The following SHANK2 variants were observed in gnomAD, a reference collection of about 807,000 sequenced individuals.
SHANK2 encodes SH3 and multiple ankyrin repeat domains 2.
A neutral mutation model predicts 133.7 loss-of-function variants in SHANK2; 43 were observed. That is an observed-to-expected ratio of 0.32 (90% CI 0.25 to 0.41). SHANK2 has a LOEUF of 0.41. Ranked by LOEUF, SHANK2 falls within the 10% of genes least tolerant of loss-of-function variation. The pLI is 1.00. For synonymous variants in SHANK2, 1,017 were observed against 952.8 expected (o/e 1.07, Z -1.24); for missense variants, 1,994 against 2,235.8 (o/e 0.89, Z 2.18).
chr11:70,588,867 G>C (rs2060286619), intron 17 of SHANK2, among the ~76,000 whole-genome samples: 1 of 152,216 alleles, frequency 6.6e-6, no homozygotes, highest in African/African-American at 2.4e-5. Flanking sequence ...GCCCAGGCTG[G>C]AGTGCAGTGG....
intron 12 of SHANK2, among the ~76,000 whole-genome samples, chr11:70,813,284 G>A (rs1948316452): frequency 6.6e-6 from 1 of 152,152 alleles, no homozygotes; most frequent in African/African-American, 2.4e-5. Context: ...GCTGGGTAGT[G>A]CAGAGAGAAG....
At chr11:70,706,172 C>A (rs1185115883) in intron 14 of SHANK2, 3 of 152,762 alleles carry the variant, frequency 2.0e-5, no homozygotes, top group Non-Finnish European at 4.4e-5. Context: ...GTCTCTTGAA[C>A]AAGTCGAGCT....
chr11:71,218,442 T>A (rs993338499), intron 2 of SHANK2, among the ~76,000 whole-genome samples: 11 of 152,030 alleles, frequency 7.2e-5, no homozygotes, highest in Non-Finnish European at 1.5e-5. Context: ...TTTGTATGTT[T>A]CGTAGAGACG....
chr11:70,486,578 G>A lies in SHANK2; in HGVS notation c.3715C>T (p.Pro1239Ser). ...AGAGGTTTGTTGAGGTCGGCCTTGG[G>A]GGCCTCCCCTTTGGGTCCCTGTTGA... is the stretch of plus-strand genomic sequence containing the variant. ...ESQQGPKGEA[P>S]KADLNKPLYI... The change falls in exon 25 of 26, where the codon CCC (proline) becomes TCC (serine). Residue 1239 changes from proline (P) to serine (S), a missense_variant. Physicochemically the swap from Pro to Ser is moderately conservative, Grantham distance 74. This residue lies in a region of SHANK2 where 797 missense variants were observed against 907.4 expected (regional missense o/e 0.88). Transcript: ENST00000601538. This position sits in a 1 kb window ranked among gnomAD's most constrained non-coding sequence, Gnocchi z 8.0. 1 of 1,614,000 alleles carries A rather than the reference G, an allele frequency of 6.2e-7. No individual in the cohort carries two copies. The highest frequency in any genetic ancestry group is 1.1e-5 in the South Asian group (1 of 91,084).
At chr11:70,724,837 C>T (rs532161240) in intron 14 of SHANK2, among the ~76,000 whole-genome samples, 1 of 152,184 alleles carries the variant, frequency 6.6e-6, no homozygotes, top group African/African-American at 2.4e-5. Context: ...CAAGATCTAA[C>T]GGGGTGATCA....
intron 14 of SHANK2, among the ~76,000 whole-genome samples, chr11:70,762,049 G>A (rs549692104): frequency 2.6e-5 from 4 of 152,186 alleles, no homozygotes; most frequent in Non-Finnish European, 5.9e-5. Flanking sequence ...ATCTGTGGGC[G>A]TGGGGTTCTT....
In SHANK2 at chr11:70,850,942, C is replaced by G. The variant is rs539169128; in HGVS notation, c.1175-30260G>C. Among the ~76,000 whole-genome samples, 3 of 152,204 alleles carry G rather than the reference C, an allele frequency of 2.0e-5. No homozygotes were observed. In the East Asian group the frequency reaches 5.8e-4, roughly 29 times the overall value. ...ATTTTCCACTTTTAAAATGGGCTCACGGCCACTCTTCATGCTTGCTGCAGG... is the reference window on the plus strand; with the variant it reads ...ATTTTCCACTTTTAAAATGGGCTCAGGGCCACTCTTCATGCTTGCTGCAGG... On this transcript the variant is annotated intron_variant, in intron 11 of 25. Coordinates refer to ENST00000601538, the MANE Select transcript of SHANK2 (RefSeq NM_012309.5).
intron 11 of SHANK2, among the ~76,000 whole-genome samples, chr11:70,857,428 G>T (rs1225525463): frequency 2.6e-5 from 4 of 152,146 alleles, no homozygotes; most frequent in Non-Finnish European, 4.4e-5. Context: ...AGCCCTCCCA[G>T]GCTGACTCTG....
intron 17 of SHANK2, among the ~76,000 whole-genome samples, chr11:70,598,800 G>A (rs2060435373): frequency 6.6e-6 from 1 of 152,014 alleles, no homozygotes; most frequent in African/African-American, 2.4e-5. Context: ...GCAAAGAAAA[G>A]CCATGTAATT....
intron 1 of SHANK2, among the ~76,000 whole-genome samples, chr11:71,241,773 G>T (rs1954896223): frequency 6.6e-6 from 1 of 152,190 alleles, no homozygotes; most frequent in Non-Finnish European, 1.5e-5. Context: ...TTTCTCCTGA[G>T]ACCCATGAAG....
chr11:70,589,789 T>G (rs1163854195), intron 17 of SHANK2, among the ~76,000 whole-genome samples: 3 of 152,110 alleles, frequency 2.0e-5, no homozygotes, highest in Admixed American at 2.0e-4. Flanking sequence ...CCATCCCTCA[T>G]GGATGGCTTT....
intron 17 of SHANK2, among the ~76,000 whole-genome samples, chr11:70,599,923 G>T (rs1422919432): frequency 1.8e-5 from 2 of 113,868 alleles, no homozygotes; most frequent in Non-Finnish European, 3.5e-5. Flanking sequence ...AAGAAAGAAA[G>T]AAAGAAAGAA....
chr11:71,144,846 C>T (rs1433863937), intron 3 of SHANK2, among the ~76,000 whole-genome samples: 4 of 152,156 alleles, frequency 2.6e-5, no homozygotes, highest in Non-Finnish European at 4.4e-5. Context: ...TGATGATGCT[C>T]ATTTCTTAAG....
At position 70,489,116 on chromosome 11, in the gene SHANK2, C is replaced by T. The variant is rs1285206924; in HGVS notation, c.2572+212G>A. On this transcript the variant is annotated intron_variant, in intron 24 of 25. Coordinates refer to ENST00000601538, the MANE Select transcript of SHANK2 (RefSeq NM_012309.5). ...ATTTATTCCAATGAAAACTTCCATT[C>T]GATAAGGGTATTCCAAATTTAACAT... The T allele has an allele frequency of 4.3e-5, 25 of 576,974 alleles. No homozygotes were observed. The Middle Eastern group carries it at 1.1e-3, about 25-fold the overall frequency. 35.7% of individuals were successfully genotyped at this position (576,974 alleles called of 1,614,324 possible). A position where few individuals can be genotyped will look rare whatever the true frequency, so the allele number is the denominator to read the frequency against.
chr11:70,659,813 C>T lies in SHANK2; in HGVS notation c.2061+15G>A. On this transcript the variant is annotated intron_variant, in intron 17 of 25. Coordinates refer to ENST00000601538, the MANE Select transcript of SHANK2 (RefSeq NM_012309.5). ...CTCTCCCCAAGCAGAAAGATACAGA[C>T]ACCTGTGTCCCTACCTCAATCAAGA... 6.2e-7 allele frequency: 1 copy of T among 1,614,124 alleles called. No homozygotes were observed. Among genetic ancestry groups the T allele is most frequent in the Non-Finnish European group, 8.5e-7 (1 of 1,180,022 alleles).
intron 11 of SHANK2, among the ~76,000 whole-genome samples, chr11:70,831,799 T>A (rs1555058535): frequency 6.6e-6 from 1 of 152,224 alleles, no homozygotes; most frequent in African/African-American, 2.4e-5. Flanking sequence ...TCAGTGGCGA[T>A]CAGACGCCCG....
In SHANK2 at chr11:71,087,041, A is replaced by C. The variant is rs1001805114; in HGVS notation, c.912+5381T>G. 7.9e-5 allele frequency among the ~76,000 whole-genome samples: 12 copies of C among 152,282 alleles called. No homozygotes were observed. The East Asian group carries it at 1.5e-3, about 20-fold the overall frequency. On this transcript the variant is annotated intron_variant, in intron 8 of 25. Coordinates refer to ENST00000601538, the MANE Select transcript of SHANK2 (RefSeq NM_012309.5). ...TCCACATTTTCTAAGCTGAGGTGGG[A>C]GCAGGTGCACTGCCCCAGAGCTCAA...
At position 71,189,682 on chromosome 11, in the gene SHANK2, G is replaced by A. The variant is rs567751828; in HGVS notation, c.-13+35015C>T. ...CCCAAAGTGCTGGGCGTGAGCCACCGTGCCTGGCCATGGTCCCAACTTTAC... is the reference window on the plus strand; with the variant it reads ...CCCAAAGTGCTGGGCGTGAGCCACCATGCCTGGCCATGGTCCCAACTTTAC... On this transcript the variant is annotated intron_variant, in intron 2 of 25. Coordinates refer to ENST00000601538, the MANE Select transcript of SHANK2 (RefSeq NM_012309.5). Among the ~76,000 whole-genome samples, 7 of 152,324 alleles carry A rather than the reference G, an allele frequency of 4.6e-5. No individual in the cohort carries two copies. The South Asian group carries it at 6.2e-4, about 14-fold the overall frequency.
At chr11:70,918,707 T>A (rs188015993) in intron 10 of SHANK2, among the ~76,000 whole-genome samples, 1 of 152,126 alleles carries the variant, frequency 6.6e-6, no homozygotes, top group Non-Finnish European at 1.5e-5. Context: ...GATTTCACAA[T>A]GTTGGCCAGA....
Sources: allele counts gnomAD v4.1 joint callset (sites outside exome capture counted in the v4.1 genomes callset), GRCh38; gene constraint gnomAD v4.1.1; regional missense constraint gnomAD v4.1.1; non-coding constraint Gnocchi (gnomAD v3.1); transcripts MANE v1.5; gene names NCBI Gene and HGNC (gene_info 2026-07-23, HGNC 2026-07-21).